LTBP2: variants seen among roughly 807,000 people sequenced by gnomAD.
The protein encoded by LTBP2 is latent transforming growth factor beta binding protein 2.
A neutral mutation model predicts 210.6 loss-of-function variants in LTBP2; 103 were observed. The observed-to-expected ratio is 0.49, with a 90% confidence interval of 0.42 to 0.58. LTBP2 has a LOEUF of 0.58. LTBP2 is among the 20% of genes least tolerant of loss of function. The probability of loss-of-function intolerance (pLI) is 0.00; values close to 1 mark genes in which losing one functional copy is unlikely to be tolerated. For missense variants in LTBP2, 2,313 were observed against 2,494.5 expected, an observed-to-expected ratio of 0.93 and a Z score of 1.55; for synonymous variants, 1,007 against 1,015.0, an observed-to-expected ratio of 0.99 and a Z score of 0.15.
chr14:74,593,709 C>T (rs571291268), intron 2 of LTBP2, among the ~76,000 whole-genome samples: 15 of 152,274 alleles, frequency 9.9e-5, no homozygotes, highest in Admixed American at 7.8e-4. Context: ...AGGGCTACCA[C>T]ACTGGACAGC....
chr14:74,532,124 T>A (rs890885029), intron 10 of LTBP2, among the ~76,000 whole-genome samples: 8 of 151,270 alleles, frequency 5.3e-5, no homozygotes, highest in Non-Finnish European at 1.2e-4. Context: ...AGGCTACACA[T>A]GGAACAGAAA....
chr14:74,548,790 C>T (rs1289545325), intron 8 of LTBP2, among the ~76,000 whole-genome samples: 2 of 152,174 alleles, frequency 1.3e-5, no homozygotes, highest in Admixed American at 6.5e-5. Flanking sequence ...GTCTACGAGG[C>T]TGGCACTATT....
intron 3 of LTBP2, among the ~76,000 whole-genome samples, chr14:74,567,040 C>A (rs1439575323): frequency 6.6e-6 from 1 of 152,222 alleles, no homozygotes; most frequent in Non-Finnish European, 1.5e-5. Context: ...CCAGACCACA[C>A]CCTGCCCTGC....
intron 3 of LTBP2, among the ~76,000 whole-genome samples, chr14:74,566,289 C>G (rs1396742550): frequency 1.3e-5 from 2 of 152,170 alleles, no homozygotes; most frequent in Non-Finnish European, 2.9e-5. Context: ...GCTTAAGAGG[C>G]AGACAGAGGG....
At chr14:74,550,545 T>C (rs1419945192) in intron 7 of LTBP2, among the ~76,000 whole-genome samples, 2 of 152,340 alleles carry the variant, frequency 1.3e-5, no homozygotes, top group South Asian at 2.1e-4. Context: ...CTTGGGTGCC[T>C]GGCCTCAGAA....
chr14:74,502,721 C>T lies in LTBP2; in HGVS notation c.5102G>A (p.Arg1701His), dbSNP rs369856411. ...CAAAGGAGACTCAAGGATGGGTGTG[C>T]GGTCCGCTGAGTGACCGGCTGTGTT... ...FPNTAGHSAD[R>H]TPILESPLQP... The change falls in exon 34 of 36, where the codon CGC (arginine) becomes CAC (histidine). Residue 1701 changes from arginine (R) to histidine (H), a missense_variant. Physicochemically the swap from Arg to His is conservative, Grantham distance 29. Around this residue, in one of 3 missense-constraint regions of LTBP2, gnomAD observed 443 missense variants for 501.4 expected, o/e 0.88. Transcript: ENST00000261978. The T allele has an allele frequency of 5.1e-5, 83 of 1,614,048 alleles. No homozygotes were observed. The East Asian group carries it at 8.9e-4, about 17-fold the overall frequency.
rs960811336 is a variant in LTBP2 at position 74,509,065 on chromosome 14, G to A, written c.3404-113C>T. On this transcript the variant is annotated intron_variant, in intron 22 of 35. Transcript: ENST00000261978. ...ACCTGCCTGCAGAGCTGGACCCACG[G>A]GGGATCATCCCCTCATGAGGCAGCA... 3 of 1,574,074 alleles carry A rather than the reference G, an allele frequency of 1.9e-6. No individual in the cohort carries two copies. The African/African-American group carries it at 4.0e-5, about 21-fold the overall frequency.
chr14:74,570,391 G>A lies in LTBP2; in HGVS notation c.831-14698C>T, dbSNP rs182847980. Among the ~76,000 whole-genome samples, 87 of 152,182 alleles carry A rather than the reference G, an allele frequency of 5.7e-4. 1 individual carries two copies. Among genetic ancestry groups the A allele is most frequent in the African/African-American group, 2.0e-3 (81 of 41,508 alleles). Reference sequence around the variant, plus strand: ...TTTACCCCACTCGTGGGCCTGCCCCGACAAGCACACTGTAGACTAAGGCAG... The same window carrying A: ...TTTACCCCACTCGTGGGCCTGCCCCAACAAGCACACTGTAGACTAAGGCAG... On this transcript the variant is annotated intron_variant, in intron 3 of 35. Transcript: ENST00000261978.
At chr14:74,546,569 T>C (rs1412935919) in intron 8 of LTBP2, among the ~76,000 whole-genome samples, 1 of 152,228 alleles carries the variant, frequency 6.6e-6, no homozygotes, top group Non-Finnish European at 1.5e-5. Flanking sequence ...CCAGGGTCTG[T>C]ACCCTGGTGC....
At chr14:74,549,568 G>T (rs1415543207) in intron 8 of LTBP2, among the ~76,000 whole-genome samples, 5 of 152,230 alleles carry the variant, frequency 3.3e-5, no homozygotes, top group Non-Finnish European at 5.9e-5. Context: ...TGGGAGGGGT[G>T]TGCAGGGGAA....
chr14:74,608,282 T>C (rs2088556448), intron 1 of LTBP2, among the ~76,000 whole-genome samples: 1 of 152,184 alleles, frequency 6.6e-6, no homozygotes, highest in African/African-American at 2.4e-5. Context: ...CTTCATAATA[T>C]ACTTTAAAAC....
intron 3 of LTBP2, among the ~76,000 whole-genome samples, chr14:74,565,611 G>A (rs375821852): frequency 2.6e-5 from 4 of 152,158 alleles, no homozygotes; most frequent in East Asian, 3.8e-4. Flanking sequence ...GCTCAGTTTT[G>A]GATATAATGA....
intron 3 of LTBP2, among the ~76,000 whole-genome samples, chr14:74,571,035 T>TA (rs372564901): frequency 0.013 from 1,825 of 140,356 alleles, 14 homozygotes; most frequent in Non-Finnish European, 0.017. Context: ...TTCTTTATAT[T>TA]AAAAAAAAAA....
chr14:74,578,282 C>G (rs2088088256), intron 3 of LTBP2, among the ~76,000 whole-genome samples: 1 of 152,228 alleles, frequency 6.6e-6, no homozygotes, highest in Non-Finnish European at 1.5e-5. Flanking sequence ...CAAGAGATTT[C>G]AGGTTTATTG....
chr14:74,501,645 C>G, intron 34 of LTBP2, 55 bp from the exon 35 acceptor site: 1 of 1,609,900 alleles, frequency 6.2e-7, no homozygotes. Context: ...CCAGACTCTC[C>G]CTAATGCTGG....
chr14:74,535,284 G>A (rs994168187), intron 9 of LTBP2, among the ~76,000 whole-genome samples: 23 of 152,130 alleles, frequency 1.5e-4, no homozygotes, highest in African/African-American at 5.6e-4. Context: ...GGCCATCTGG[G>A]TCAATCCCCT....
chr14:74,509,635 C>T lies in LTBP2; in HGVS notation c.3277+99G>A, dbSNP rs533716959. ...GGGTCTTCTAGCCTAGCCTGGAGCC[C>T]CTCGGCATCAGCCCCAAACTGGGGA... is the stretch of plus-strand genomic sequence containing the variant. On this transcript the variant is annotated intron_variant, in intron 21 of 35. Coordinates refer to ENST00000261978, the MANE Select transcript of LTBP2 (RefSeq NM_000428.3). The T allele has an allele frequency of 4.4e-5, 69 of 1,555,498 alleles. 4 individuals are homozygous for T. The South Asian group carries it at 7.7e-4, about 17-fold the overall frequency.
chr14:74,551,141 G>T lies in LTBP2; in HGVS notation c.1609C>A (p.Pro537Thr), dbSNP rs770862437. ...NNIPARSGEPPRPLPPAAPRP... is the reference protein window; with the variant it reads ...NNIPARSGEPTRPLPPAAPRP... ...GGTGCTGCTGGGGGCAGTGGCCGAG[G>T]GGGCTCTCCAGACCGAGCAGGGATG... is the stretch of plus-strand genomic sequence containing the variant. Residue 537 changes from proline to threonine, a missense_variant, in exon 7 of 36, where the codon CCT becomes ACT. This residue lies in a region of LTBP2 where 1,867 missense variants were observed against 1,976.9 expected (regional missense o/e 0.94). Coordinates refer to ENST00000261978, the MANE Select transcript of LTBP2 (RefSeq NM_000428.3). 4 of 1,613,924 alleles carry T rather than the reference G, an allele frequency of 2.5e-6. No individual in the cohort carries two copies. In the South Asian group the frequency reaches 4.4e-5, roughly 18 times the overall value.
chr14:74,500,995 A>G lies in LTBP2; in HGVS notation c.5355T>C (p.Ala1785=), dbSNP rs747788213. ...CGCAGTAACCATGGACACAGAGCACAGCAGGCCCGTTCAAGTCATCACACT... is the reference window on the plus strand; with the variant it reads ...CGCAGTAACCATGGACACAGAGCACGGCAGGCCCGTTCAAGTCATCACACT... ...VNECDDLNGP[A]VLCVHGYCEN... Residue 1785 remains alanine, a synonymous_variant, in exon 36 of 36, where the codon GCT becomes GCC. Coordinates refer to ENST00000261978, the MANE Select transcript of LTBP2 (RefSeq NM_000428.3). 1.2e-6 allele frequency: 2 copies of G among 1,614,138 alleles called. No homozygotes were observed. Among genetic ancestry groups the G allele is most frequent in the Non-Finnish European group, 1.7e-6 (2 of 1,179,996 alleles).
Sources: gnomAD v4.1 joint callset for allele counts (sites outside exome capture counted in the v4.1 genomes callset) on GRCh38, gnomAD v4.1.1 for gene constraint, gnomAD v4.1.1 regional missense constraint, MANE v1.5 for transcripts, NCBI Gene and HGNC (gene_info 2026-07-23, HGNC 2026-07-21) for gene names.